Variants in ABLIM2 observed in about 807,000 individuals in gnomAD.
The protein encoded by ABLIM2 is actin binding LIM protein family member 2.
ABLIM2 carries 53 observed loss-of-function variants against 97.7 expected under a neutral mutation model. The observed-to-expected ratio is 0.54, with a 90% CI of 0.44 to 0.68. The LOEUF is 0.68. ABLIM2 is among the 30% of genes least tolerant of loss of function. ABLIM2 has a pLI of 0.00. For missense variants in ABLIM2, 835 were observed against 867.2 expected (o/e 0.96, Z 0.47); for synonymous variants, 361 against 345.8 (o/e 1.04, Z -0.49).
At chr4:8,062,151 A>T (rs1362382490) in intron 6 of ABLIM2, among the ~76,000 whole-genome samples, 7 of 151,456 alleles carry the variant, frequency 4.6e-5, no homozygotes, top group Admixed American at 3.9e-4. Context: ...CTGCTATCTC[A>T]TCCCACCTGC....
intron 14 of ABLIM2, among the ~76,000 whole-genome samples, chr4:8,014,424 A>G (rs928875103): frequency 2.0e-5 from 3 of 152,218 alleles, no homozygotes; most frequent in Admixed American, 6.5e-5. Flanking sequence ...CTATCTCTAC[A>G]ATTCACATTG....
chr4:7,968,811 G>T (rs759188674), intron 20 of ABLIM2, among the ~76,000 whole-genome samples: 15 of 152,176 alleles, frequency 9.9e-5, no homozygotes, highest in Non-Finnish European at 1.8e-4. Flanking sequence ...ACAATGTTGT[G>T]AATACACTGA....
At chr4:8,034,162 A>G (rs1782725286) in intron 10 of ABLIM2, among the ~76,000 whole-genome samples, 2 of 152,290 alleles carry the variant, frequency 1.3e-5, no homozygotes, top group Admixed American at 1.3e-4. Flanking sequence ...GCGAGTCCTC[A>G]CGGACTCTCT....
chr4:8,115,996 G>A (rs1305213535), intron 1 of ABLIM2, among the ~76,000 whole-genome samples: 2 of 152,192 alleles, frequency 1.3e-5, no homozygotes, highest in Non-Finnish European at 2.9e-5. Flanking sequence ...AAGTCCCCAC[G>A]GATGGCCAGC....
chr4:8,134,751 C>T (rs975414330), intron 1 of ABLIM2, among the ~76,000 whole-genome samples: 9 of 152,160 alleles, frequency 5.9e-5, no homozygotes, highest in South Asian at 2.1e-4. Flanking sequence ...GGACCAGGGA[C>T]GAGGGACTTG....
At chr4:8,073,351 C>T (rs938350300) in intron 6 of ABLIM2, among the ~76,000 whole-genome samples, 3 of 150,942 alleles carry the variant, frequency 2.0e-5, no homozygotes, top group African/African-American at 4.9e-5. Context: ...AAGACAAGGC[C>T]GCTGTGTGGG....
At position 8,056,528 on chromosome 4, in the gene ABLIM2, T is replaced by C. The variant is rs201895885; in HGVS notation, c.764-2282A>G. Among the ~76,000 whole-genome samples, 28 of 152,122 alleles carry C rather than the reference T, an allele frequency of 1.8e-4. No homozygotes were observed. The East Asian group carries it at 5.1e-3, about 28-fold the overall frequency. ...ATTGACTAGGCTGGTCTCAAACTCC[T>C]GGGCTCAAGCAATCTGCCTGCCTTG... On this transcript the variant is annotated intron_variant, in intron 7 of 20. Transcript: ENST00000447017.
rs1022002589 is a variant in ABLIM2 at position 8,114,133 on chromosome 4, C to A, written c.11-7496G>T. On this transcript the variant is annotated intron_variant, in intron 1 of 20. Transcript: ENST00000447017. ...CTGCCTGCCTCCCCTGGCCTGGAAG[C>A]CCTCATGGGCGGGGGCTGTGCCCGA... Among the ~76,000 whole-genome samples the A allele has an allele frequency of 2.0e-5, 3 of 152,206 alleles. No homozygotes were observed. The South Asian group carries it at 6.2e-4, about 31-fold the overall frequency.
chr4:8,057,733 T>C (rs1263403950), intron 7 of ABLIM2, among the ~76,000 whole-genome samples: 1 of 152,184 alleles, frequency 6.6e-6, no homozygotes, highest in Non-Finnish European at 1.5e-5. Context: ...GCAGGAACGG[T>C]GGTGGCATTG....
At chr4:8,108,202 C>T (rs1162948468) in intron 1 of ABLIM2, among the ~76,000 whole-genome samples, 2 of 152,236 alleles carry the variant, frequency 1.3e-5, no homozygotes, top group East Asian at 3.8e-4. Context: ...GCAGAGGCAC[C>T]AAGCCCCTCC....
rs1468716606 is a variant in ABLIM2, at chr4:8,123,160, T to C, written c.11-16523A>G. 6.6e-6 allele frequency among the ~76,000 whole-genome samples: 1 copy of C among 152,190 alleles called. No individual in the cohort carries two copies. The highest frequency in any genetic ancestry group is 2.4e-5 in the African/African-American group (1 of 41,456). ...CCGGGTCTGGACTCCTTAATCCTAA[T>C]TGCGGTCCTCAGAGCATTCTTCCCT... is the stretch of plus-strand genomic sequence containing the variant. On this transcript the variant is annotated intron_variant, in intron 1 of 20. Transcript: ENST00000447017. The surrounding 1 kb of genome is among the most constrained non-coding windows in gnomAD (Gnocchi z 6.2).
chr4:8,115,637 A>G (rs1408840917), intron 1 of ABLIM2, among the ~76,000 whole-genome samples: 1 of 152,134 alleles, frequency 6.6e-6, no homozygotes, highest in Admixed American at 6.5e-5. Context: ...GGGCTGTCTG[A>G]GCAAAGCCCT....
chr4:7,975,286 AC>A (rs1732061151), intron 20 of ABLIM2, among the ~76,000 whole-genome samples: 1 of 152,150 alleles, frequency 6.6e-6, no homozygotes, highest in Non-Finnish European at 1.5e-5. Context: ...TCTCAGCAAC[AC>A]CTTAGTTTGA....
chr4:8,151,151 G>T (rs1423934345), intron 1 of ABLIM2, among the ~76,000 whole-genome samples: 1 of 152,110 alleles, frequency 6.6e-6, no homozygotes, highest in East Asian at 1.9e-4. Flanking sequence ...TGACGATTGG[G>T]GCTGGAGCCC....
intron 2 of ABLIM2, among the ~76,000 whole-genome samples, chr4:8,103,762 C>T (rs190650152): frequency 6.6e-6 from 1 of 152,194 alleles, no homozygotes; most frequent in South Asian, 2.1e-4. Context: ...AGGAGGGGGA[C>T]CCGGGGCAGT....
chr4:8,081,679 C>G (rs185285904), intron 4 of ABLIM2, among the ~76,000 whole-genome samples: 1 of 152,296 alleles, frequency 6.6e-6, no homozygotes, highest in East Asian at 1.9e-4. Context: ...TTGTATGTCA[C>G]CTGAGTCTTC....
rs949819237 is a variant in ABLIM2, at chr4:8,085,200, T to A, written c.454+2969A>T. 1.5e-4 allele frequency among the ~76,000 whole-genome samples: 23 copies of A among 151,502 alleles called. No individual in the cohort carries two copies. The highest frequency in any genetic ancestry group is 9.2e-4 in the Admixed American group (14 of 15,264). ...GCTCTGCCTCAAGAGCCAGCCACTC[T>A]CCCCTCCCCAGGGAGGGGCAGCCAC... On this transcript the variant is annotated intron_variant, in intron 4 of 20. Transcript: ENST00000447017. This position sits in a 1 kb window ranked among gnomAD's most constrained non-coding sequence, Gnocchi z 6.1.
intron 1 of ABLIM2, among the ~76,000 whole-genome samples, chr4:8,144,284 A>G (rs1159687123): frequency 1.3e-5 from 2 of 152,214 alleles, no homozygotes; most frequent in Non-Finnish European, 2.9e-5. Context: ...ACCTCCTAGG[A>G]GGCTGTGGGT....
At position 8,023,597 on chromosome 4, in the gene ABLIM2, C is replaced by T. The variant is rs1337062135; in HGVS notation, c.1268-3294G>A. 2.0e-5 allele frequency among the ~76,000 whole-genome samples: 3 copies of T among 152,146 alleles called. No homozygotes were observed. Among genetic ancestry groups the T allele is most frequent in the Non-Finnish European group, 4.4e-5 (3 of 68,018 alleles). On this transcript the variant is annotated intron_variant, in intron 12 of 20. Transcript: ENST00000447017. This position sits in a 1 kb window ranked among gnomAD's most constrained non-coding sequence, Gnocchi z 5.7. ...GGCCTGCTCCACGGTGGACTTGCTC[C>T]TTCTCTCCCCTCCCACATGGCGCTC... is the stretch of plus-strand genomic sequence containing the variant.
Sources: gnomAD v4.1 joint callset for allele counts (sites outside exome capture counted in the v4.1 genomes callset) on GRCh38, gnomAD v4.1.1 for gene constraint, Gnocchi (gnomAD v3.1) non-coding constraint, MANE v1.5 for transcripts, NCBI Gene and HGNC (gene_info 2026-07-23, HGNC 2026-07-21) for gene names.